The following APPL2 variants were observed in gnomAD, a reference collection of about 807,000 sequenced individuals.
APPL2 encodes the protein adaptor protein, phosphotyrosine interacting with PH domain and leucine zipper 2, also known as DCC-interacting protein 13-beta.
In APPL2, 84 loss-of-function variants were observed where a neutral mutation model predicts 92.7. The observed-to-expected ratio is 0.91, with a 90% CI of 0.76 to 1.09. The LOEUF (loss-of-function observed/expected upper bound fraction) is 1.09, where lower values mean the gene tolerates loss of function less well. Among genes scored for constraint, APPL2 ranks in the 50% least tolerant of loss-of-function variants. The pLI is 0.00. For missense variants in APPL2, 736 were observed against 824.5 expected, an observed-to-expected ratio of 0.89 and a Z score of 1.31; for synonymous variants, 291 against 291.0, an observed-to-expected ratio of 1.00 and a Z score of 0.00.
chr12:105,196,785 T>C (rs1385317571), intron 11 of APPL2, among the ~76,000 whole-genome samples: 1 of 152,190 alleles, frequency 6.6e-6, no homozygotes, highest in Admixed American at 6.5e-5. Flanking sequence ...CCAGTTCCCT[T>C]GTTCCTCTCA....
At chr12:105,184,345 G>GT (rs1243043004) in intron 17 of APPL2, among the ~76,000 whole-genome samples, 2 of 152,170 alleles carry the variant, frequency 1.3e-5, no homozygotes, top group African/African-American at 4.8e-5. Context: ...AGGCATTCTG[G>GT]TTTTTGGAAT....
At chr12:105,178,166 T>C (rs1885733663) in intron 17 of APPL2, among the ~76,000 whole-genome samples, 1 of 152,208 alleles carries the variant, frequency 6.6e-6, no homozygotes, top group South Asian at 2.1e-4. Flanking sequence ...AAATAAACTA[T>C]ATGAGAGAAT....
chr12:105,193,697 C>T (rs1201657), intron 14 of APPL2, among the ~76,000 whole-genome samples: 55,799 of 152,026 alleles, frequency 0.37, 11,160 homozygotes, highest in Middle Eastern at 0.54. Context: ...AAATGTTTCT[C>T]GGACTTGTTG....
rs200469851 is a variant in APPL2, at chr12:105,188,438, A to C, written c.1469T>G (p.Leu490Trp). ...ESFPEAEDSL[L>W]QQMFIVRFLG... ...AAACCGAACTATAAACATCTGCTGC[A>C]AAAGAGAATCTGGAAGACAGCATTT... Residue 490 changes from leucine (L) to tryptophan (W), a missense_variant, in exon 17 of 21, where the codon TTG (leucine) becomes TGG (tryptophan). Coordinates refer to ENST00000258530, the MANE Select transcript of APPL2 (RefSeq NM_018171.5). 37 of 1,614,070 alleles carry C rather than the reference A, an allele frequency of 2.3e-5. No individual in the cohort carries two copies. The African/African-American group carries it at 4.0e-4, about 17-fold the overall frequency.
At chr12:105,197,592 G>A (rs895350712) in intron 11 of APPL2, among the ~76,000 whole-genome samples, 173 bp downstream of exon 11, 1 of 152,154 alleles carries the variant, frequency 6.6e-6, no homozygotes, top group African/African-American at 2.4e-5. Flanking sequence ...TCCCTTATGG[G>A]TCATGCGGGC....
intron 20 of APPL2, among the ~76,000 whole-genome samples, chr12:105,175,087 T>C (rs1417598917): frequency 6.6e-6 from 1 of 152,202 alleles, no homozygotes; most frequent in Admixed American, 6.5e-5. Context: ...TTTCACCATG[T>C]TGGCCAGGCT....
intron 2 of APPL2, among the ~76,000 whole-genome samples, chr12:105,218,992 G>C (rs1889904119): frequency 6.6e-6 from 1 of 152,202 alleles, no homozygotes; most frequent in Non-Finnish European, 1.5e-5. Flanking sequence ...GGGCAGCCTA[G>C]AAAACTTGCC....
At chr12:105,198,976 G>A (rs1328484015) in intron 10 of APPL2, among the ~76,000 whole-genome samples, 2 of 152,198 alleles carry the variant, frequency 1.3e-5, no homozygotes, top group African/African-American at 4.8e-5. Context: ...GACTCTAAAA[G>A]CCTCCTGACC....
chr12:105,233,232 G>A (rs1891046033), intron 1 of APPL2: 1 of 985,310 alleles, frequency 1.0e-6, no homozygotes, highest in African/African-American at 1.7e-5. Flanking sequence ...AACCAGTCAA[G>A]GGTAGTCACT....
intron 17 of APPL2, among the ~76,000 whole-genome samples, chr12:105,179,824 T>C (rs193074254): frequency 2.2e-4 from 34 of 152,318 alleles, no homozygotes; most frequent in Admixed American, 1.2e-3. Flanking sequence ...GACGGGGTTG[T>C]TTTATTCTTG....
At chr12:105,180,600 A>T (rs887636368) in intron 17 of APPL2, among the ~76,000 whole-genome samples, 1 of 152,220 alleles carries the variant, frequency 6.6e-6, no homozygotes, top group African/African-American at 2.4e-5. Flanking sequence ...ATCCATGAGC[A>T]TGGCATGTTT....
At chr12:105,195,163 C>A in intron 14 of APPL2, 98 bp downstream of exon 14, 2 of 1,217,922 alleles carry the variant, frequency 1.6e-6, no homozygotes, top group South Asian at 1.3e-5. Flanking sequence ...GGCTGAAAAA[C>A]ATGCCTTGGT....
intron 11 of APPL2, 82 bp from the exon 12 acceptor site, chr12:105,195,709 G>C: frequency 6.6e-7 from 1 of 1,511,596 alleles, no homozygotes; most frequent in Non-Finnish European, 9.1e-7. Flanking sequence ...GAACTTAGCT[G>C]GGGTGTGGGA....
At chr12:105,189,898 C>G in intron 15 of APPL2, 74 bp from the exon 16 acceptor site, 1 of 1,611,458 alleles carries the variant, frequency 6.2e-7, no homozygotes. Flanking sequence ...AACTGGAAAT[C>G]AGAATGGCAA....
rs757966820 is a variant in APPL2 at position 105,195,367 on chromosome 12, GAC to G, written c.1153-20_1153-19del. ...GCGACTGCCTAAAAATCCACAGGAA[GAC>G]ACACTCAGTCCCAGGAGGTGGACGC... On this transcript the variant is annotated intron_variant, in intron 13 of 20. Transcript: ENST00000258530. 2.5e-6 allele frequency: 4 copies of G among 1,614,150 alleles called. No homozygotes were observed. The South Asian group carries it at 3.3e-5, about 13-fold the overall frequency.
rs73181807 is a variant in APPL2 at position 105,217,296 on chromosome 12, A to G, written c.214-156T>C. Among the ~76,000 whole-genome samples the G allele has an allele frequency of 2.9e-3, 442 of 152,322 alleles. 2 individuals are homozygous for G. The highest frequency in any genetic ancestry group is 4.0e-3 in the Non-Finnish European group (271 of 68,022). The stretch of plus-strand genomic sequence containing the variant: ...TCTACCTGAAGAGGGAGTCACAGCT[A>G]TCCCCTTTGTCCTGCCCCCAGGGTG... On this transcript the variant is annotated intron_variant, in intron 3 of 20. Coordinates refer to ENST00000258530, the MANE Select transcript of APPL2 (RefSeq NM_018171.5).
chr12:105,176,533 T>C (rs1031143954), intron 19 of APPL2, among the ~76,000 whole-genome samples: 3 of 152,264 alleles, frequency 2.0e-5, no homozygotes, highest in African/African-American at 7.2e-5. Flanking sequence ...GTTTTCTCTC[T>C]GAGACTAAAT....
chr12:105,233,166 G>C (rs981103106), intron 1 of APPL2: 8 of 985,348 alleles, frequency 8.1e-6, no homozygotes, highest in Non-Finnish European at 9.6e-6. Flanking sequence ...TATCGCAGCA[G>C]GATTCACACT....
At chr12:105,177,700 G>C (rs1432545114) in intron 17 of APPL2, among the ~76,000 whole-genome samples, 2 of 152,210 alleles carry the variant, frequency 1.3e-5, no homozygotes, top group African/African-American at 4.8e-5. Flanking sequence ...TGACAAAATA[G>C]TGAAGGGATT....
Sources: gnomAD v4.1 joint callset for allele counts (sites outside exome capture counted in the v4.1 genomes callset) on GRCh38, gnomAD v4.1.1 for gene constraint, MANE v1.5 for transcripts, NCBI Gene and HGNC (gene_info 2026-07-23, HGNC 2026-07-21) for gene names.